GABBR2: variants seen among roughly 807,000 people sequenced by gnomAD.
GABBR2 encodes G-protein coupled receptor 51.
In GABBR2, 23 loss-of-function variants were observed where a neutral mutation model predicts 105.6. The observed-to-expected ratio is 0.22, with a 90% CI of 0.16 to 0.31. The LOEUF is 0.31. GABBR2 is among the 10% of genes least tolerant of loss of function. The pLI is 1.00. For missense variants in GABBR2, 734 were observed against 1,245.5 expected (o/e 0.59, Z 6.18); for synonymous variants, 478 against 499.7 (o/e 0.96, Z 0.58).
intron 13 of GABBR2, among the ~76,000 whole-genome samples, chr9:98,362,016 C>G (rs1831594063): frequency 6.6e-6 from 1 of 152,174 alleles, no homozygotes; most frequent in Non-Finnish European, 1.5e-5. Flanking sequence ...AACAGAGATT[C>G]TTATTTTCTT....
intron 3 of GABBR2, among the ~76,000 whole-genome samples, chr9:98,505,447 T>TGTGTGC (rs758389109): frequency 2.6e-5 from 4 of 151,742 alleles, no homozygotes; most frequent in Admixed American, 6.6e-5. Flanking sequence ...TGTGTGTGTG[T>TGTGTGC]GTGTGTGTGT....
chr9:98,397,880 G>T (rs960664157), intron 8 of GABBR2, among the ~76,000 whole-genome samples: 2 of 152,110 alleles, frequency 1.3e-5, no homozygotes, highest in Non-Finnish European at 2.9e-5. Context: ...GTTGTCCCAG[G>T]CAGTATAAGG....
intron 11 of GABBR2, among the ~76,000 whole-genome samples, chr9:98,371,840 G>C (rs1470519031): frequency 6.6e-6 from 1 of 151,986 alleles, no homozygotes; most frequent in Non-Finnish European, 1.5e-5. Context: ...CAGACAGAGG[G>C]AGAGCCACAG....
chr9:98,574,992 G>A (rs1289880572), intron 2 of GABBR2, among the ~76,000 whole-genome samples: 1 of 152,106 alleles, frequency 6.6e-6, no homozygotes, highest in African/African-American at 2.4e-5. Context: ...AATGAAGACT[G>A]TGAAATGATA....
intron 1 of GABBR2, among the ~76,000 whole-genome samples, chr9:98,604,191 A>G (rs1194703311): frequency 5.9e-5 from 9 of 152,080 alleles, no homozygotes; most frequent in Admixed American, 5.9e-4. Flanking sequence ...TTTAATACAC[A>G]TCCCTGATGA....
In GABBR2 at chr9:98,544,034, C is replaced by T. The variant is rs1828357998; in HGVS notation, c.460-1991G>A. 3.3e-5 allele frequency among the ~76,000 whole-genome samples: 5 copies of T among 152,136 alleles called. No homozygotes were observed. In the South Asian group the frequency reaches 1.0e-3, roughly 32 times the overall value. On this transcript the variant is annotated intron_variant, in intron 2 of 18. Coordinates refer to ENST00000259455, the MANE Select transcript of GABBR2 (RefSeq NM_005458.8). The stretch of plus-strand genomic sequence containing the variant: ...CCTCCCTCCTTCCCTCCCTCCCTCC[C>T]TCCTTCTCTTCTTTTGTTTCATTCA...
chr9:98,633,855 G>A (rs1829846000), intron 1 of GABBR2, among the ~76,000 whole-genome samples: 1 of 152,110 alleles, frequency 6.6e-6, no homozygotes, highest in Non-Finnish European at 1.5e-5. Context: ...TGTTTCTCAG[G>A]AGTGGTTCTG....
At chr9:98,460,235 T>C (rs1826399670) in intron 6 of GABBR2, among the ~76,000 whole-genome samples, 1 of 152,064 alleles carries the variant, frequency 6.6e-6, no homozygotes, top group Non-Finnish European at 1.5e-5. Flanking sequence ...GGAAAAAAAT[T>C]AGCCAGGCAT....
At chr9:98,393,847 C>A (rs992750206) in intron 9 of GABBR2, among the ~76,000 whole-genome samples, 1 of 152,180 alleles carries the variant, frequency 6.6e-6, no homozygotes, top group African/African-American at 2.4e-5. Context: ...GATAGACAGG[C>A]CTTATTTCCA....
chr9:98,485,324 C>T (rs1827021140), intron 4 of GABBR2, among the ~76,000 whole-genome samples: 1 of 152,072 alleles, frequency 6.6e-6, no homozygotes, highest in East Asian at 1.9e-4. Flanking sequence ...CAGCCCAAAC[C>T]CCCAACAGTG....
intron 1 of GABBR2, among the ~76,000 whole-genome samples, chr9:98,680,607 C>A (rs1830533080): frequency 6.6e-6 from 1 of 152,158 alleles, no homozygotes; most frequent in African/African-American, 2.4e-5. Context: ...CCATGCCCGG[C>A]CTCTATTATT....
chr9:98,312,843 G>C (rs1197562157), intron 13 of GABBR2, among the ~76,000 whole-genome samples: 1 of 152,118 alleles, frequency 6.6e-6, no homozygotes, highest in Non-Finnish European at 1.5e-5. Flanking sequence ...TCTGCCTCCT[G>C]AGTTCAAGCA....
chr9:98,609,638 C>A (rs1195165105), intron 1 of GABBR2, among the ~76,000 whole-genome samples: 1 of 152,172 alleles, frequency 6.6e-6, no homozygotes, highest in Non-Finnish European at 1.5e-5. Flanking sequence ...TAGCAGTGAG[C>A]AAGGCATGGT....
At chr9:98,647,601 G>C (rs1830041736) in intron 1 of GABBR2, among the ~76,000 whole-genome samples, 2 of 152,170 alleles carry the variant, frequency 1.3e-5, no homozygotes, top group South Asian at 4.1e-4. Flanking sequence ...GCACCCGACG[G>C]GTTGTGCCCT....
intron 1 of GABBR2, among the ~76,000 whole-genome samples, chr9:98,602,119 G>A (rs1795835991): frequency 6.6e-6 from 1 of 151,510 alleles, no homozygotes; most frequent in Non-Finnish European, 1.5e-5. Flanking sequence ...TCCCTCCTCA[G>A]CCTCCTGAGT....
intron 1 of GABBR2, among the ~76,000 whole-genome samples, chr9:98,615,483 C>A (rs1031058687): frequency 2.6e-5 from 4 of 152,192 alleles, no homozygotes; most frequent in Admixed American, 2.6e-4. Context: ...GACATGGCTG[C>A]AGGTTTTAGA....
At chr9:98,647,280 G>A (rs1180907287) in intron 1 of GABBR2, among the ~76,000 whole-genome samples, 2 of 152,150 alleles carry the variant, frequency 1.3e-5, no homozygotes, top group East Asian at 1.9e-4. Flanking sequence ...CTGACCCTGC[G>A]ATTCAGCAAT....
At chr9:98,314,786 T>G (rs1830688884) in intron 13 of GABBR2, among the ~76,000 whole-genome samples, 1 of 152,202 alleles carries the variant, frequency 6.6e-6, no homozygotes, top group Non-Finnish European at 1.5e-5. Context: ...CCACTGTGCC[T>G]TCCTCCACCC....
At chr9:98,565,573 C>T (rs1339184652) in intron 2 of GABBR2, among the ~76,000 whole-genome samples, 2 of 152,188 alleles carry the variant, frequency 1.3e-5, no homozygotes, top group Admixed American at 6.5e-5. Context: ...ATGGAGGTGA[C>T]CCCAGATCCC....
Sources: allele counts gnomAD v4.1 joint callset (sites outside exome capture counted in the v4.1 genomes callset), GRCh38; gene constraint gnomAD v4.1.1; transcripts MANE v1.5; gene names NCBI Gene and HGNC (gene_info 2026-07-23, HGNC 2026-07-21).